The following EPHA6 variants were observed in gnomAD, a reference collection of about 807,000 sequenced individuals.
EPHA6 encodes the protein ephrin type-A receptor 6.
A neutral mutation model predicts 112.0 loss-of-function variants in EPHA6; 50 were observed. That is an observed-to-expected ratio of 0.45 (90% confidence interval 0.36 to 0.56). The LOEUF (loss-of-function observed/expected upper bound fraction) is 0.56, where lower values mean the gene tolerates loss of function less well. Among genes scored for constraint, EPHA6 ranks in the 20% least tolerant of loss-of-function variants. EPHA6 has a pLI of 0.00. For synonymous variants in EPHA6, 529 were observed against 490.7 expected (o/e 1.08, Z -1.03); for missense variants, 1,280 against 1,417.4 (o/e 0.90, Z 1.56).
At chr3:97,023,981 G>T (rs573576369) in intron 3 of EPHA6, among the ~76,000 whole-genome samples, 3 of 152,096 alleles carry the variant, frequency 2.0e-5, no homozygotes, top group Non-Finnish European at 4.4e-5. Flanking sequence ...CACAATCTCC[G>T]TTTCTGTTTC....
At chr3:97,123,237 CTTTAAAAATTCAGTAATGTA>C (rs2048091695) in intron 3 of EPHA6, among the ~76,000 whole-genome samples, 1 of 152,038 alleles carries the variant, frequency 6.6e-6, no homozygotes, top group Non-Finnish European at 1.5e-5. Context: ...GCATTATTTT[CTTTAAAAATTCAGTAATGTA>C]TTTAAAAATA....
chr3:97,682,002 C>T (rs984207187), intron 14 of EPHA6, among the ~76,000 whole-genome samples: 1 of 152,068 alleles, frequency 6.6e-6, no homozygotes, highest in Admixed American at 6.6e-5. Flanking sequence ...TAAGCCTGCT[C>T]AGCTTAATAT....
rs114008275 is a variant in EPHA6 at position 97,582,774 on chromosome 3, A to G, written c.2387-9838A>G. On this transcript the variant is annotated intron_variant, in intron 11 of 17. Transcript: ENST00000389672. Reference sequence around the variant, plus strand: ...CTGCCATCTCATCCACACCATATAGATGCCATTTTGACCTGAAAAAGCTGG... The same window carrying G: ...CTGCCATCTCATCCACACCATATAGGTGCCATTTTGACCTGAAAAAGCTGG... 6.3e-3 allele frequency among the ~76,000 whole-genome samples: 962 copies of G among 152,290 alleles called. 10 individuals carry two copies. The highest frequency in any genetic ancestry group is 0.022 in the African/African-American group (906 of 41,570).
chr3:96,857,468 T>C (rs556877273), intron 1 of EPHA6, among the ~76,000 whole-genome samples: 27 of 152,270 alleles, frequency 1.8e-4, no homozygotes, highest in Admixed American at 3.9e-4. Flanking sequence ...TAGAGAAATA[T>C]GCCAAAAAAG....
intron 11 of EPHA6, among the ~76,000 whole-genome samples, chr3:97,547,835 C>T (rs7427710): frequency 0.023 from 3,459 of 149,876 alleles, 101 homozygotes; most frequent in African/African-American, 0.071. Flanking sequence ...TAGCAATGAG[C>T]GAGACTCTGT....
chr3:96,943,757 C>T (rs543213160), intron 2 of EPHA6, among the ~76,000 whole-genome samples: 5 of 152,048 alleles, frequency 3.3e-5, no homozygotes, highest in Non-Finnish European at 5.9e-5. Flanking sequence ...ACTCAGTAGG[C>T]TGAGGCAGGA....
At chr3:97,338,084 G>A (rs1269647389) in intron 5 of EPHA6, among the ~76,000 whole-genome samples, 2 of 151,952 alleles carry the variant, frequency 1.3e-5, no homozygotes, top group African/African-American at 4.8e-5. Context: ...TAATGGTTGT[G>A]TGTGTGTGCG....
intron 2 of EPHA6, among the ~76,000 whole-genome samples, chr3:96,960,488 C>G (rs2041914819): frequency 6.6e-6 from 1 of 152,188 alleles, no homozygotes; most frequent in Non-Finnish European, 1.5e-5. Flanking sequence ...TAAACCTCAT[C>G]ATTTCTACTG....
intron 14 of EPHA6, among the ~76,000 whole-genome samples, chr3:97,693,573 C>T (rs949324526): frequency 2.0e-5 from 3 of 151,980 alleles, no homozygotes; most frequent in Non-Finnish European, 4.4e-5. Context: ...TTTGGGAGGC[C>T]GAGGCAGGCA....
intron 11 of EPHA6, among the ~76,000 whole-genome samples, chr3:97,545,817 T>C (rs2092937613): frequency 6.6e-6 from 1 of 152,240 alleles, no homozygotes; most frequent in Admixed American, 6.5e-5. Flanking sequence ...TACCATTATG[T>C]AATGGCCTTC....
chr3:97,200,932 GC>G (rs2108497315), intron 3 of EPHA6, among the ~76,000 whole-genome samples: 1 of 152,134 alleles, frequency 6.6e-6, no homozygotes, highest in African/African-American at 2.4e-5. Context: ...TTTTAATTAG[GC>G]CTAAGTAAAA....
intron 13 of EPHA6, among the ~76,000 whole-genome samples, chr3:97,629,952 A>G (rs1396498008): frequency 1.3e-5 from 2 of 152,182 alleles, no homozygotes; most frequent in South Asian, 2.1e-4. Context: ...TAACTAGTAT[A>G]TATTACTTTC....
intron 5 of EPHA6, among the ~76,000 whole-genome samples, chr3:97,247,185 C>T (rs2108588642): frequency 6.6e-6 from 1 of 152,092 alleles, no homozygotes; most frequent in Non-Finnish European, 1.5e-5. Flanking sequence ...TACGATTTCA[C>T]TGGACTGAGA....
chr3:97,058,281 T>C (rs750916604), intron 3 of EPHA6, among the ~76,000 whole-genome samples: 2 of 151,482 alleles, frequency 1.3e-5, no homozygotes, highest in Non-Finnish European at 2.9e-5. Flanking sequence ...CATCTAAGAG[T>C]AAGGAGTTTT....
intron 1 of EPHA6, among the ~76,000 whole-genome samples, chr3:96,842,167 C>T (rs916089077): frequency 3.9e-5 from 6 of 152,030 alleles, no homozygotes; most frequent in Non-Finnish European, 7.4e-5. Context: ...GGTCTGAGTT[C>T]GCCGGTATGA....
chr3:97,613,243 A>G (rs1050980218), intron 13 of EPHA6, among the ~76,000 whole-genome samples: 1 of 152,090 alleles, frequency 6.6e-6, no homozygotes, highest in Non-Finnish European at 1.5e-5. Flanking sequence ...ATATATAAAT[A>G]TATATAGCCC....
intron 3 of EPHA6, among the ~76,000 whole-genome samples, chr3:97,152,155 A>T (rs1401400069): frequency 6.6e-6 from 1 of 151,964 alleles, no homozygotes; most frequent in Non-Finnish European, 1.5e-5. Flanking sequence ...CTTTAGTTGG[A>T]GATTATACTC....
At chr3:96,920,306 G>A (rs552843897) in intron 2 of EPHA6, among the ~76,000 whole-genome samples, 26 of 151,936 alleles carry the variant, frequency 1.7e-4, no homozygotes, top group African/African-American at 6.0e-4. Flanking sequence ...AAAAGAAAAG[G>A]TACAGCAGAT....
chr3:97,707,255 T>C (rs2033727318), intron 14 of EPHA6, among the ~76,000 whole-genome samples: 1 of 152,224 alleles, frequency 6.6e-6, no homozygotes. Context: ...ATTTACATTA[T>C]AATCATAGCA....
Sources: gnomAD v4.1 joint callset for allele counts (sites outside exome capture counted in the v4.1 genomes callset) on GRCh38, gnomAD v4.1.1 for gene constraint, MANE v1.5 for transcripts, NCBI Gene and HGNC (gene_info 2026-07-23, HGNC 2026-07-21) for gene names.